XG: variants seen among roughly 807,000 people sequenced by gnomAD.
XG encodes Xg glycoprotein (Xg blood group).
A neutral mutation model predicts 25.7 loss-of-function variants in XG; 24 were observed. The observed-to-expected ratio is 0.93, with a 90% confidence interval of 0.68 to 1.31. XG has a LOEUF of 1.31. Ranked by LOEUF, XG falls within the 40% of genes most tolerant of loss-of-function variation. XG has a pLI of 0.00. For missense variants in XG, 181 were observed against 187.6 expected (o/e 0.96, Z 0.21); for synonymous variants, 77 against 69.2 (o/e 1.11, Z -0.56).
At chrX:2,774,827 T>A in intron 3 of XG, 88 bp downstream of exon 3, 2 of 1,537,880 alleles carry the variant, frequency 1.3e-6, no homozygotes, top group Non-Finnish European at 1.8e-6. Flanking sequence ...TTTACAGAAC[T>A]GTGGGGTATA....
chrX:2,781,066 C>T (rs756652960), intron 3 of XG, among the ~76,000 whole-genome samples: 101 of 151,940 alleles, frequency 6.6e-4, no homozygotes, highest in African/African-American at 2.3e-3. Context: ...GGAAGTGTCG[C>T]AGGCCAGGTC....
At chrX:2,775,610 G>C (rs892469745) in intron 3 of XG, among the ~76,000 whole-genome samples, 2 of 151,982 alleles carry the variant, frequency 1.3e-5, no homozygotes, top group Non-Finnish European at 2.9e-5. Context: ...ACTTTTAAAT[G>C]GTTAATTATA....
chrX:2,785,587 T>C (rs2086776197), intron 4 of XG, among the ~76,000 whole-genome samples: 1 of 111,400 alleles, frequency 9.0e-6, no homozygotes, highest in African/African-American at 3.3e-5. Context: ...CTTTCACAAT[T>C]GAACATCAGA....
intron 10 of XG, among the ~76,000 whole-genome samples, chrX:2,813,806 A>G (rs2087079461): frequency 8.9e-6 from 1 of 112,834 alleles, no homozygotes; most frequent in African/African-American, 3.2e-5. Flanking sequence ...AGTTCCTACA[A>G]ATATTAGTTT....
intron 10 of XG, among the ~76,000 whole-genome samples, chrX:2,812,855 T>C (rs1454534845): frequency 8.9e-6 from 1 of 112,098 alleles, no homozygotes; most frequent in South Asian, 3.7e-4. Context: ...AAGCCTTTGT[T>C]AACCAAGGGC....
rs913227847 is a variant in XG at position 2,801,920 on chromosome X, G to C, written c.373+4560G>C. Among the ~76,000 whole-genome samples, 18 of 110,133 alleles carry C rather than the reference G, an allele frequency of 1.6e-4. No individual in the cohort carries two copies. The South Asian group carries it at 1.9e-3, about 12-fold the overall frequency. On this transcript the variant is annotated intron_variant, in intron 7 of 10. Transcript: ENST00000644266. ...GACGGGGTTTCACCGTGTTAGCCAG[G>C]ATGATCTCGATCTCCTGACCTCGTG...
At chrX:2,757,681 G>T (rs1220438184) in intron 1 of XG, among the ~76,000 whole-genome samples, 1 of 151,760 alleles carries the variant, frequency 6.6e-6, no homozygotes, top group Non-Finnish European at 1.5e-5. Flanking sequence ...GGGATATGGG[G>T]AAGTTGTGGG....
chrX:2,808,450 T>G (rs768552926), intron 9 of XG: 1 of 918,894 alleles, frequency 1.1e-6, no homozygotes, highest in African/African-American at 2.0e-5. Context: ...CTGCAGAAGA[T>G]GCCCCTTAGC....
chrX:2,811,496 A>AT (rs758173248), intron 10 of XG, 44 bp downstream of exon 10: 127 of 905,056 alleles, frequency 1.4e-4, no homozygotes, highest in South Asian at 2.8e-4. Flanking sequence ...ACTAAGCCTG[A>AT]TTTAAAAAAA....
At chrX:2,757,735 G>A (rs1482633174) in intron 1 of XG, among the ~76,000 whole-genome samples, 3 of 151,852 alleles carry the variant, frequency 2.0e-5, no homozygotes, top group Admixed American at 6.6e-5. Flanking sequence ...AGTTTGGGAG[G>A]CCGAGTTGGG....
chrX:2,792,801 G>A (rs1199151205), intron 5 of XG, among the ~76,000 whole-genome samples: 9 of 111,125 alleles, frequency 8.1e-5, no homozygotes, highest in African/African-American at 2.9e-4. Flanking sequence ...TGCAACTGCG[G>A]GATCAGGTTA....
chrX:2,811,356 G>T lies in XG; in HGVS notation c.475G>T (p.Val159Leu), dbSNP rs766062680. The T allele has an allele frequency of 2.4e-5, 29 of 1,204,456 alleles. No individual in the cohort carries two copies. Among genetic ancestry groups the T allele is most frequent in the Non-Finnish European group, 3.0e-5 (27 of 892,706 alleles). The change falls in exon 10 of 11, where the codon GTG becomes TTG. Residue 159 changes from valine to leucine, a missense_variant. Transcript: ENST00000644266. ...NPEGNMVAKI[V>L]SPIVSVVVVT... ...TGCAGGCAATATGGTAGCAAAAATC[G>T]TGTCTCCCATCGTATCCGTGGTGGT...
intron 7 of XG, among the ~76,000 whole-genome samples, chrX:2,803,978 G>A (rs1330335045): frequency 2.2e-4 from 24 of 110,521 alleles, no homozygotes; most frequent in African/African-American, 6.3e-4. Flanking sequence ...CAGTAACTGG[G>A]ACTACGGGCA....
rs1263222466 is a variant in XG, at chrX:2,765,183, TA to T, written c.62-5362del. ...CAACATGGTGAAACCCCATCTCTACTAAAAATAAAAAAAATTAGTTGGGCAT... is the reference window on the plus strand; with the variant it reads ...CAACATGGTGAAACCCCATCTCTACTAAAATAAAAAAAATTAGTTGGGCAT... On this transcript the variant is annotated intron_variant, in intron 1 of 10. Transcript: ENST00000644266. Among the ~76,000 whole-genome samples, 5 of 150,792 alleles carry T rather than the reference TA, an allele frequency of 3.3e-5. No homozygotes were observed. The East Asian group carries it at 9.8e-4, about 30-fold the overall frequency.
chrX:2,811,156 C>T (rs1441522556), intron 9 of XG, among the ~76,000 whole-genome samples, 180 bp from the exon 10 acceptor site: 2 of 108,104 alleles, frequency 1.9e-5, no homozygotes, highest in Non-Finnish European at 3.8e-5. Flanking sequence ...TCTGTGAATA[C>T]AAGGGTGGGA....
At chrX:2,776,094 C>G (rs2050982606) in intron 3 of XG, among the ~76,000 whole-genome samples, 1 of 152,054 alleles carries the variant, frequency 6.6e-6, no homozygotes, top group African/African-American at 2.4e-5. Flanking sequence ...TCGAGACCAT[C>G]CTGGCTAACA....
intron 5 of XG, among the ~76,000 whole-genome samples, chrX:2,791,887 A>C (rs1319991960): frequency 9.0e-6 from 1 of 110,514 alleles, no homozygotes; most frequent in Non-Finnish European, 1.9e-5. Flanking sequence ...GGAAAGCTCT[A>C]CAATAGTTCT....
At chrX:2,782,870 A>G (rs747901756) in intron 4 of XG, among the ~76,000 whole-genome samples, 8 of 111,903 alleles carry the variant, frequency 7.1e-5, no homozygotes, top group Admixed American at 1.9e-4. Flanking sequence ...ACTGGTTCCC[A>G]GGCAAGAAGG....
At chrX:2,776,030 C>T (rs1305102595) in intron 3 of XG, among the ~76,000 whole-genome samples, 2 of 151,854 alleles carry the variant, frequency 1.3e-5, no homozygotes, top group South Asian at 2.1e-4. Context: ...TGGCTCACGC[C>T]TGTAATCCCA....
Sources: gnomAD v4.1 joint callset for allele counts (sites outside exome capture counted in the v4.1 genomes callset) on GRCh38, gnomAD v4.1.1 for gene constraint, MANE v1.5 for transcripts, NCBI Gene and HGNC (gene_info 2026-07-23, HGNC 2026-07-21) for gene names.